PARP4: variants seen among roughly 807,000 people sequenced by gnomAD.
The protein encoded by PARP4 is poly(ADP-ribose) polymerase family member 4.
A neutral mutation model predicts 187.7 loss-of-function variants in PARP4; 120 were observed. That is an observed-to-expected ratio of 0.64 (90% CI 0.55 to 0.74). PARP4 has a LOEUF of 0.74. Ranked by LOEUF, PARP4 falls within the 30% of genes least tolerant of loss-of-function variation. PARP4 has a pLI of 0.00. For missense variants in PARP4, 1,836 were observed against 2,070.5 expected, an observed-to-expected ratio of 0.89 and a Z score of 2.20; for synonymous variants, 654 against 740.9, an observed-to-expected ratio of 0.88 and a Z score of 1.90.
chr13:24,508,262 T>A (rs576357173), intron 1 of PARP4, among the ~76,000 whole-genome samples: 11 of 152,320 alleles, frequency 7.2e-5, no homozygotes, highest in African/African-American at 2.4e-4. Context: ...GCACCCCCAC[T>A]TATGCTGACC....
In PARP4 at chr13:24,452,600, G is replaced by A. The variant is rs767432219; in HGVS notation, c.2827-7C>T. ...CCATGGTAGGTGTGGCAGACTGGAG[G>A]AAATGAAGTGAAAGATTATGTTCTC... On this transcript the variant is annotated splice_polypyrimidine_tract_variant and splice_region_variant and intron_variant, in intron 23 of 33. Transcript: ENST00000381989. 6.2e-7 allele frequency: 1 copy of A among 1,605,026 alleles called. No individual in the cohort carries two copies. Among genetic ancestry groups the A allele is most frequent in the Non-Finnish European group, 8.5e-7 (1 of 1,174,636 alleles).
chr13:24,460,153 T>C lies in PARP4; in HGVS notation c.2134-17A>G, dbSNP rs755152342. On this transcript the variant is annotated splice_polypyrimidine_tract_variant and intron_variant, in intron 17 of 33. Transcript: ENST00000381989. ...AAAAACGTCCTGAAACAGAAACATATGACTTAGCTTCCAACTTGAAAGCAT... is the reference window on the plus strand; with the variant it reads ...AAAAACGTCCTGAAACAGAAACATACGACTTAGCTTCCAACTTGAAAGCAT... 1.9e-6 allele frequency: 3 copies of C among 1,605,144 alleles called. No homozygotes were observed. Among genetic ancestry groups the C allele is most frequent in the Middle Eastern group, 1.7e-4 (1 of 6,004 alleles).
At chr13:24,506,414 C>T (rs1471845236) in intron 1 of PARP4, among the ~76,000 whole-genome samples, 2 of 152,160 alleles carry the variant, frequency 1.3e-5, no homozygotes, top group Non-Finnish European at 2.9e-5. Flanking sequence ...AGCAGGTTGC[C>T]ACTGCTAGCT....
At chr13:24,430,667 A>G (rs1870290908) in intron 32 of PARP4, among the ~76,000 whole-genome samples, 1 of 152,024 alleles carries the variant, frequency 6.6e-6, no homozygotes, top group Non-Finnish European at 1.5e-5. Context: ...ACAAACAAAC[A>G]AACAACAGCT....
chr13:24,480,119 C>T (rs1299011676), intron 12 of PARP4, among the ~76,000 whole-genome samples: 1 of 152,230 alleles, frequency 6.6e-6, no homozygotes, highest in African/African-American at 2.4e-5. Flanking sequence ...CTGTAACACT[C>T]ACCGCGAGGG....
At chr13:24,506,177 T>C (rs1365998766) in intron 1 of PARP4, among the ~76,000 whole-genome samples, 3 of 151,578 alleles carry the variant, frequency 2.0e-5, no homozygotes, top group Non-Finnish European at 3.0e-5. Context: ...ACATCAAGTA[T>C]GAAGCCGCAG....
chr13:24,431,612 C>T, intron 31 of PARP4, 136 bp from the exon 32 acceptor site: 1 of 641,826 alleles, frequency 1.6e-6, no homozygotes. Context: ...AATTAGAAGC[C>T]CAAACCTCAG....
intron 33 of PARP4, among the ~76,000 whole-genome samples, chr13:24,423,159 T>C (rs1014630862): frequency 6.6e-6 from 1 of 152,230 alleles, no homozygotes; most frequent in African/African-American, 2.4e-5. Flanking sequence ...AATTTTTTAG[T>C]CCCACCTCCT....
intron 33 of PARP4, among the ~76,000 whole-genome samples, chr13:24,421,735 G>T (rs1281997363): frequency 1.3e-5 from 2 of 152,300 alleles, no homozygotes; most frequent in Non-Finnish European, 2.9e-5. Context: ...GGTACCTTCA[G>T]AATATCTGAG....
intron 20 of PARP4, among the ~76,000 whole-genome samples, 184 bp from the exon 21 acceptor site, chr13:24,456,662 C>A (rs1871872400): frequency 6.6e-6 from 1 of 152,112 alleles, no homozygotes; most frequent in African/African-American, 2.4e-5. Context: ...CACCTGTAAT[C>A]TCAGCACTTT....
rs1054723130 is a variant in PARP4, at chr13:24,459,279, A to G, written c.2330T>C (p.Ile777Thr). ...DTVEKICIKEIGTKQSFSLTM... is the reference protein window; with the variant it reads ...DTVEKICIKETGTKQSFSLTM... ...AGGTACTAACCTTTGCTTTGTTCCT[A>G]TTTCTTTTATACAAATCTTCTCTAC... is the stretch of plus-strand genomic sequence containing the variant. The change falls in exon 19 of 34, where the codon ATA (isoleucine) becomes ACA (threonine). Residue 777 changes from isoleucine (I) to threonine (T), a missense_variant. Physicochemically the swap from Ile to Thr is moderately conservative, Grantham distance 89. Transcript: ENST00000381989. 6.3e-7 allele frequency: 1 copy of G among 1,578,912 alleles called. No individual in the cohort carries two copies. Among genetic ancestry groups the G allele is most frequent in the South Asian group, 1.2e-5 (1 of 86,640 alleles).
At chr13:24,457,436 A>G (rs1593611330) in intron 20 of PARP4, among the ~76,000 whole-genome samples, 1 of 152,174 alleles carries the variant, frequency 6.6e-6, no homozygotes, top group Admixed American at 6.5e-5. Flanking sequence ...AGGGGCGTGA[A>G]AAGTGTCCAT....
chr13:24,428,063 A>C (rs1870148182), intron 32 of PARP4, among the ~76,000 whole-genome samples: 1 of 152,224 alleles, frequency 6.6e-6, no homozygotes, highest in Non-Finnish European at 1.5e-5. Flanking sequence ...GGGTACAGAG[A>C]TATAAAAACA....
At chr13:24,436,394 C>T (rs1870639290) in intron 30 of PARP4, among the ~76,000 whole-genome samples, 1 of 152,208 alleles carries the variant, frequency 6.6e-6, no homozygotes, top group South Asian at 2.1e-4. Flanking sequence ...GCCTTGAACT[C>T]CTGGGCTCAA....
At chr13:24,464,117 A>T (rs1711036674) in intron 17 of PARP4, among the ~76,000 whole-genome samples, 1 of 152,208 alleles carries the variant, frequency 6.6e-6, no homozygotes, top group Non-Finnish European at 1.5e-5. Flanking sequence ...TTCAAGGAGA[A>T]CTATAAACCA....
Position 24,426,259 on chromosome 13 carries a change from GC to G in PARP4, c.4979+206del, listed in dbSNP as rs558791071. On this transcript the variant is annotated intron_variant, in intron 33 of 33. Coordinates refer to ENST00000381989, the MANE Select transcript of PARP4 (RefSeq NM_006437.4). ...CGGGAGCTGCACTGAAACTCTTTGA[GC>G]CCATTTCCTGTGCAGCCCAAGGCAC... is the stretch of plus-strand genomic sequence containing the variant. 1.1e-4 allele frequency among the ~76,000 whole-genome samples: 17 copies of G among 152,168 alleles called. No individual in the cohort carries two copies. The South Asian group carries it at 1.9e-3, about 17-fold the overall frequency.
chr13:24,509,626 A>G (rs1287124748), intron 1 of PARP4, among the ~76,000 whole-genome samples: 2 of 152,214 alleles, frequency 1.3e-5, no homozygotes, highest in Non-Finnish European at 2.9e-5. Context: ...ATAGTTACAT[A>G]CATATTATGG....
chr13:24,498,069 T>C (rs751835719), intron 6 of PARP4, 47 bp downstream of exon 6: 5 of 1,320,516 alleles, frequency 3.8e-6, no homozygotes, highest in African/African-American at 2.9e-5. Flanking sequence ...AAATGAGTTA[T>C]GAACAGAGGT....
At chr13:24,436,227 GT>G (rs1870632236) in intron 30 of PARP4, among the ~76,000 whole-genome samples, 1 of 152,194 alleles carries the variant, frequency 6.6e-6, no homozygotes. Context: ...AATTATTGCA[GT>G]TTTTATACTG....
Sources: gnomAD v4.1 joint callset for allele counts (sites outside exome capture counted in the v4.1 genomes callset) on GRCh38, gnomAD v4.1.1 for gene constraint, MANE v1.5 for transcripts, NCBI Gene and HGNC (gene_info 2026-07-23, HGNC 2026-07-21) for gene names.